Variants in CCL20 observed in about 807,000 individuals in gnomAD.
CCL20 encodes C-C motif chemokine 20.
CCL20 carries 8 observed loss-of-function variants against 10.8 expected under a neutral mutation model. The observed-to-expected ratio is 0.74, with a 90% CI of 0.44 to 1.34. CCL20 has a LOEUF of 1.34. CCL20 is among the 40% of genes most tolerant of loss of function. The pLI, the probability that CCL20 is intolerant of heterozygous loss-of-function variation, is 0.01. For missense variants in CCL20, 107 were observed against 117.9 expected (o/e 0.91, Z 0.43); for synonymous variants, 40 against 39.4 (o/e 1.02, Z -0.06).
intron 3 of CCL20, 34 bp downstream of exon 3, chr2:227,816,418 T>C (rs1304793289): frequency 7.6e-7 from 1 of 1,317,902 alleles, no homozygotes; most frequent in Non-Finnish European, 1.1e-6. Flanking sequence ...TTTGCAAATG[T>C]TTGAGGAAAG....
chr2:227,814,005 C>T lies in CCL20; in HGVS notation c.76+18C>T, dbSNP rs751865352. The T allele has an allele frequency of 1.4e-5, 23 of 1,603,726 alleles. No individual in the cohort carries two copies. Among genetic ancestry groups the T allele is most frequent in the South Asian group, 1.3e-4 (12 of 90,900 alleles). On this transcript the variant is annotated intron_variant, in intron 1 of 3. Transcript: ENST00000358813. ...ATCAGAAGGTAAGTGTCGCTCTTTCCGCTAGCACAGAAGAAAGACTATTTT... is the reference window on the plus strand; with the variant it reads ...ATCAGAAGGTAAGTGTCGCTCTTTCTGCTAGCACAGAAGAAAGACTATTTT...
intron 1 of CCL20, among the ~76,000 whole-genome samples, chr2:227,814,796 G>T (rs1286612935): frequency 1.4e-5 from 2 of 147,242 alleles, no homozygotes; most frequent in Non-Finnish European, 3.0e-5. Flanking sequence ...TCACTGTGTT[G>T]CCCAGGCTGG....
chr2:227,816,042 A>C, intron 2 of CCL20: 1 of 428,282 alleles, frequency 2.3e-6, no homozygotes, highest in Non-Finnish European at 4.2e-6. Flanking sequence ...TATTCTATGT[A>C]ACCACCAATA....
At chr2:227,815,830 CA>C (rs2106160552) in intron 2 of CCL20, 1 of 321,506 alleles carries the variant, frequency 3.1e-6, no homozygotes, top group Non-Finnish European at 5.6e-6. Context: ...TAGTATAGGG[CA>C]AAAATCACTT....
chr2:227,814,055 A>G, intron 1 of CCL20, 68 bp downstream of exon 1: 1 of 1,352,784 alleles, frequency 7.4e-7, no homozygotes, highest in Non-Finnish European at 1.1e-6. Flanking sequence ...CCTTGAGCTC[A>G]ACTGGGGGTC....
At chr2:227,815,034 C>T (rs1307502448) in intron 1 of CCL20, among the ~76,000 whole-genome samples, 1 of 152,110 alleles carries the variant, frequency 6.6e-6, no homozygotes, top group Non-Finnish European at 1.5e-5. Flanking sequence ...TTAAAATCTG[C>T]CAATTTATTC....
rs55692427 is a variant in CCL20 at position 227,815,647 on chromosome 2, G to A, written c.191+79G>A. ...AGTTTTAAAAATGTTTGCCTTTTTA[G>A]AGTTTCATTCAGAAATTACTGATGT... is the stretch of plus-strand genomic sequence containing the variant. On this transcript the variant is annotated intron_variant, in intron 2 of 3. Coordinates refer to ENST00000358813, the MANE Select transcript of CCL20 (RefSeq NM_004591.3). 7,656 of 773,692 alleles carry A rather than the reference G, an allele frequency of 9.9e-3. 75 individuals are homozygous for A. The highest frequency in any genetic ancestry group is 0.014 in the Non-Finnish European group (6,249 of 461,838). 47.9% of individuals were successfully genotyped at this position (773,692 alleles called of 1,614,324 possible). A position where few individuals can be genotyped will look rare whatever the true frequency, so the allele number is the denominator to read the frequency against.
Position 227,817,254 on chromosome 2 carries a change from T to C in CCL20, c.*171T>C. 1 of 494,082 alleles carries C rather than the reference T, an allele frequency of 2.0e-6. No individual in the cohort carries two copies. Among genetic ancestry groups the C allele is most frequent in the Non-Finnish European group, 3.7e-6 (1 of 268,104 alleles). 30.6% of individuals were successfully genotyped at this position (494,082 alleles called of 1,614,324 possible). ...GATTCATATTGCATCATAGTTTGCT[T>C]TGTTTAAGCATCACATTAAAGTTAA... On this transcript the variant is annotated 3_prime_UTR_variant, in exon 4 of 4. Coordinates refer to ENST00000358813, the MANE Select transcript of CCL20 (RefSeq NM_004591.3).
Position 227,816,289 on chromosome 2 carries a change from A to G in CCL20, c.192-18A>G. 2 of 1,542,168 alleles carry G rather than the reference A, an allele frequency of 1.3e-6. No individual in the cohort carries two copies. Among genetic ancestry groups the G allele is most frequent in the Non-Finnish European group, 1.8e-6 (2 of 1,116,188 alleles). ...TGAAAAGCTCATTAAACACAAATCA[A>G]ATTTTCTGATTTTTCAGCTTTCACA... On this transcript the variant is annotated intron_variant, in intron 2 of 3. Transcript: ENST00000358813.
Position 227,817,480 on chromosome 2 carries a change from C to T in CCL20, c.*397C>T, listed in dbSNP as rs900351677. On this transcript the variant is annotated 3_prime_UTR_variant, in exon 4 of 4. Coordinates refer to ENST00000358813, the MANE Select transcript of CCL20 (RefSeq NM_004591.3). ...TCTTTTGTTTATATTGTTTTGTCTC[C>T]TAAATTGTTGTAATTGCATTATAAA... The T allele has an allele frequency of 1.3e-5, 2 of 153,466 alleles. No individual in the cohort carries two copies. The highest frequency in any genetic ancestry group is 4.8e-5 in the African/African-American group (2 of 41,396). The allele number at this position is 153,466 out of a possible 1,614,324, so 9.5% of individuals were successfully genotyped here.
intron 2 of CCL20, chr2:227,815,847 G>A: frequency 3.3e-6 from 1 of 304,686 alleles, no homozygotes; most frequent in East Asian, 6.4e-5. Context: ...CACTTTCTAA[G>A]GCTATTAAAG....
In CCL20 at chr2:227,813,962, A is replaced by T. The variant is rs2106159669; in HGVS notation, c.51A>T (p.Leu17=). 1.2e-6 allele frequency: 2 copies of T among 1,613,934 alleles called. No individual in the cohort carries two copies. The highest frequency in any genetic ancestry group is 1.7e-6 in the Non-Finnish European group (2 of 1,179,890). Residue 17 remains leucine, a synonymous_variant, in exon 1 of 4, where the codon CTA becomes CTT. Transcript: ENST00000358813. ...LLLAALMSVL[L]LHLCGESEAA... ...TGGCTGCTTTGATGTCAGTGCTGCTACTCCACCTCTGCGGCGAATCAGAAG... is the reference window on the plus strand; with the variant it reads ...TGGCTGCTTTGATGTCAGTGCTGCTTCTCCACCTCTGCGGCGAATCAGAAG...
At position 227,813,971 on chromosome 2, in the gene CCL20, C is replaced by T. The variant is rs1407366942; in HGVS notation, c.60C>T (p.Leu20=). The change falls in exon 1 of 4, where the codon CTC becomes CTT. Residue 20 remains leucine (L), a synonymous_variant. Transcript: ENST00000358813. ...AALMSVLLLH[L]CGESEAASNF... ...TGATGTCAGTGCTGCTACTCCACCT[C>T]TGCGGCGAATCAGAAGGTAAGTGTC... 1 of 1,613,948 alleles carries T rather than the reference C, an allele frequency of 6.2e-7. No homozygotes were observed. The highest frequency in any genetic ancestry group is 8.5e-7 in the Non-Finnish European group (1 of 1,179,782).
chr2:227,813,905 A>C lies in CCL20; in HGVS notation c.-7A>C. The C allele has an allele frequency of 6.2e-7, 1 of 1,611,584 alleles. No homozygotes were observed. The highest frequency in any genetic ancestry group is 8.5e-7 in the Non-Finnish European group (1 of 1,177,636). ...ACTGAGCAGATCTGTTCTTTGAGCT[A>C]AAAACCATGTGCTGTACCAAGAGTT... On this transcript the variant is annotated 5_prime_UTR_variant, in exon 1 of 4. Transcript: ENST00000358813.
chr2:227,815,629 A>T, intron 2 of CCL20, 61 bp downstream of exon 2: 1 of 923,950 alleles, frequency 1.1e-6, no homozygotes. Flanking sequence ...TTCAGTTTTA[A>T]AAATGTTTGC....
chr2:227,814,062 G>C, intron 1 of CCL20, 75 bp downstream of exon 1: 1 of 1,251,776 alleles, frequency 8.0e-7, no homozygotes, highest in Admixed American at 1.7e-5. Context: ...CTCAACTGGG[G>C]GTCCCTAAGG....
chr2:227,815,709 G>A, intron 2 of CCL20, 141 bp downstream of exon 2: 2 of 591,062 alleles, frequency 3.4e-6, no homozygotes, highest in Admixed American at 6.3e-5. Context: ...AGAAAGAAAT[G>A]ATGTGGCAAA....
In CCL20 at chr2:227,815,438, T is replaced by G. The variant is rs1690009961; in HGVS notation, c.77-16T>G. ...TTCATGTGGATCCAATACCTTTCAC[T>G]TTTTTTTTTTTTTAGCAGCAAGCAA... On this transcript the variant is annotated splice_polypyrimidine_tract_variant and intron_variant, in intron 1 of 3. Transcript: ENST00000358813. The G allele has an allele frequency of 4.7e-6, 1 of 211,078 alleles. No individual in the cohort carries two copies. The highest frequency in any genetic ancestry group is 7.6e-6 in the Non-Finnish European group (1 of 131,646). 13.1% of individuals were successfully genotyped at this position (211,078 alleles called of 1,614,324 possible). A position where few individuals can be genotyped will look rare whatever the true frequency, so the allele number is the denominator to read the frequency against.
In CCL20 at chr2:227,815,503, T is replaced by C; in HGVS notation, c.126T>C (p.His42=). The C allele has an allele frequency of 6.2e-7, 1 of 1,612,060 alleles. No individual in the cohort carries two copies. The highest frequency in any genetic ancestry group is 8.5e-7 in the Non-Finnish European group (1 of 1,179,164). ...CCLGYTDRIL[H]PKFIVGFTRQ... ...TTGGATACACAGACCGTATTCTTCA[T>C]CCTAAATTTATTGTGGGCTTCACAC... The change falls in exon 2 of 4, where the codon CAT becomes CAC. Residue 42 remains histidine (H), a synonymous_variant. Coordinates refer to ENST00000358813, the MANE Select transcript of CCL20 (RefSeq NM_004591.3).
Sources: allele counts gnomAD v4.1 joint callset (sites outside exome capture counted in the v4.1 genomes callset), GRCh38; gene constraint gnomAD v4.1.1; transcripts MANE v1.5; gene names NCBI Gene and HGNC (gene_info 2026-07-23, HGNC 2026-07-21).